The following PTPRG variants were observed in gnomAD, a reference collection of about 807,000 sequenced individuals.
PTPRG encodes the protein protein tyrosine phosphatase receptor type G.
A neutral mutation model predicts 165.3 loss-of-function variants in PTPRG; 102 were observed. That is an observed-to-expected ratio of 0.62 (90% CI 0.53 to 0.73). PTPRG has a LOEUF of 0.73. PTPRG is among the 30% of genes least tolerant of loss of function. PTPRG has a pLI of 0.00. For missense variants in PTPRG, 1,866 were observed against 1,861.4 expected (o/e 1.00, Z -0.05); for synonymous variants, 675 against 669.5 (o/e 1.01, Z -0.13).
chr3:61,694,599 A>G (rs183304446), intron 1 of PTPRG, among the ~76,000 whole-genome samples: 6 of 152,298 alleles, frequency 3.9e-5, no homozygotes, highest in African/African-American at 1.4e-4. Context: ...ACCAAGGTTT[A>G]TGTACTAAGA....
intron 1 of PTPRG, among the ~76,000 whole-genome samples, chr3:61,695,016 CT>C (rs796619011): frequency 4.0e-4 from 58 of 146,002 alleles, no homozygotes; most frequent in East Asian, 6.0e-4. Flanking sequence ...TTTTCTTTTT[CT>C]TTTTTTTTTT....
chr3:62,039,719 G>A (rs1035724743), intron 4 of PTPRG, among the ~76,000 whole-genome samples: 3 of 152,234 alleles, frequency 2.0e-5, no homozygotes, highest in South Asian at 2.1e-4. Flanking sequence ...GATTAGCGAT[G>A]TAGCGACTCC....
At chr3:62,185,366 G>A (rs1267853373) in intron 8 of PTPRG, among the ~76,000 whole-genome samples, 2 of 152,192 alleles carry the variant, frequency 1.3e-5, no homozygotes, top group Non-Finnish European at 2.9e-5. Context: ...TGTGCAAAAG[G>A]ACGTATCAAG....
intron 1 of PTPRG, among the ~76,000 whole-genome samples, chr3:61,580,350 C>T (rs1700259842): frequency 6.6e-6 from 1 of 151,490 alleles, no homozygotes; most frequent in South Asian, 2.1e-4. Flanking sequence ...ACCCTTAACC[C>T]TTGAGTCGTT....
intron 2 of PTPRG, among the ~76,000 whole-genome samples, chr3:61,775,238 T>G (rs145828260): frequency 0.01 from 1,585 of 152,194 alleles, 35 homozygotes; most frequent in African/African-American, 0.036. Flanking sequence ...ACCGGGATAC[T>G]TTTTGTATTT....
At chr3:62,133,747 G>A (rs971479694) in intron 6 of PTPRG, among the ~76,000 whole-genome samples, 1 of 152,146 alleles carries the variant, frequency 6.6e-6, no homozygotes, top group African/African-American at 2.4e-5. Flanking sequence ...CACTTTGGGA[G>A]GCCGAAGTGG....
At chr3:61,564,968 C>T (rs1479240351) in intron 1 of PTPRG, among the ~76,000 whole-genome samples, 3 of 152,248 alleles carry the variant, frequency 2.0e-5, no homozygotes, top group East Asian at 1.9e-4. Context: ...AAGCGCTTAT[C>T]TGTTTGACAT....
intron 1 of PTPRG, among the ~76,000 whole-genome samples, chr3:61,668,946 T>G (rs1259313340): frequency 6.6e-6 from 1 of 152,228 alleles, no homozygotes; most frequent in South Asian, 2.1e-4. Context: ...ATACTTAGTA[T>G]TTGCTAAATC....
chr3:61,601,253 C>T (rs1700859097), intron 1 of PTPRG, among the ~76,000 whole-genome samples: 1 of 152,154 alleles, frequency 6.6e-6, no homozygotes, highest in Non-Finnish European at 1.5e-5. Flanking sequence ...GGGACTCTGT[C>T]TCAAAAAGCA....
chr3:61,743,159 C>A (rs1207319921), intron 1 of PTPRG: 4 of 944,916 alleles, frequency 4.2e-6, no homozygotes, highest in Non-Finnish European at 3.3e-6. Flanking sequence ...ATATTTTTAT[C>A]TTTTTTTGCT....
chr3:62,062,897 G>A (rs567992569), intron 4 of PTPRG, among the ~76,000 whole-genome samples: 10 of 151,990 alleles, frequency 6.6e-5, no homozygotes, highest in Middle Eastern at 3.4e-3. Flanking sequence ...CAAGCTATCT[G>A]CCCGTCTCAG....
intron 2 of PTPRG, among the ~76,000 whole-genome samples, chr3:61,907,243 A>T (rs112819205): frequency 6.6e-6 from 1 of 152,256 alleles, no homozygotes; most frequent in South Asian, 2.1e-4. Context: ...CTTGCTAAGA[A>T]AAGCTCGAGG....
In PTPRG at chr3:62,132,643, C is replaced by T. The variant is rs149393059; in HGVS notation, c.657C>T (p.His219=). 44 of 1,612,006 alleles carry T rather than the reference C, an allele frequency of 2.7e-5. No individual in the cohort carries two copies. Among genetic ancestry groups the T allele is most frequent in the African/African-American group, 1.3e-4 (10 of 74,848 alleles). ...RDNSALDPII[H]GLKGVVHHEK... Reference sequence around the variant, plus strand: ...ATTCTGCACTGGATCCTATTATCCACGGGTTGAAGGGTGTCGTACATCATG... The same window carrying T: ...ATTCTGCACTGGATCCTATTATCCATGGGTTGAAGGGTGTCGTACATCATG... Residue 219 remains histidine, a synonymous_variant, in exon 6 of 30, where the codon CAC becomes CAT. Coordinates refer to ENST00000474889, the MANE Select transcript of PTPRG (RefSeq NM_002841.4).
intron 8 of PTPRG, among the ~76,000 whole-genome samples, chr3:62,177,211 A>G (rs1378360780): frequency 6.6e-6 from 1 of 152,094 alleles, no homozygotes; most frequent in Non-Finnish European, 1.5e-5. Context: ...ACTTGAGCCC[A>G]GGGGGTTGAG....
chr3:61,570,785 A>G (rs200157623), intron 1 of PTPRG, among the ~76,000 whole-genome samples: 1 of 152,336 alleles, frequency 6.6e-6, no homozygotes, highest in East Asian at 1.9e-4. Flanking sequence ...AAAAGGATTT[A>G]TTTACAAAGC....
chr3:62,138,714 C>CAAAAAAAAAAAAAA (rs563632840), intron 6 of PTPRG, among the ~76,000 whole-genome samples: 13 of 91,384 alleles, frequency 1.4e-4, no homozygotes, highest in Admixed American at 1.2e-3. Flanking sequence ...GGCAAAGCTC[C>CAAAAAAAAAAAAAA]AAAAAAAAAA....
rs950302659 is a variant in PTPRG, at chr3:62,217,066, A to G, written c.2156-1785A>G. ...CTCCCCATTTAAAAGATTCCTCCCCATGGGTACAGCAGTGCTACTATCTGA... is the reference window on the plus strand; with the variant it reads ...CTCCCCATTTAAAAGATTCCTCCCCGTGGGTACAGCAGTGCTACTATCTGA... On this transcript the variant is annotated intron_variant, in intron 12 of 29. Coordinates refer to ENST00000474889, the MANE Select transcript of PTPRG (RefSeq NM_002841.4). This position sits in a 1 kb window ranked among gnomAD's most constrained non-coding sequence, Gnocchi z 4.3. Among the ~76,000 whole-genome samples, 5 of 152,170 alleles carry G rather than the reference A, an allele frequency of 3.3e-5. No homozygotes were observed. The East Asian group carries it at 9.7e-4, about 29-fold the overall frequency.
intron 1 of PTPRG, among the ~76,000 whole-genome samples, chr3:61,580,290 A>G (rs955653749): frequency 6.6e-6 from 1 of 152,168 alleles, no homozygotes; most frequent in Non-Finnish European, 1.5e-5. Flanking sequence ...AAACAAAATT[A>G]AAAAACAAAC....
chr3:61,971,222 T>C (rs1163696232), intron 2 of PTPRG, among the ~76,000 whole-genome samples: 5 of 152,162 alleles, frequency 3.3e-5, no homozygotes, highest in Non-Finnish European at 7.3e-5. Context: ...CCGGCTAATT[T>C]TTTTGTATTT....
Sources: gnomAD v4.1 joint callset for allele counts (sites outside exome capture counted in the v4.1 genomes callset) on GRCh38, gnomAD v4.1.1 for gene constraint, Gnocchi (gnomAD v3.1) non-coding constraint, MANE v1.5 for transcripts, NCBI Gene and HGNC (gene_info 2026-07-23, HGNC 2026-07-21) for gene names.